ASTN2: variants seen among roughly 807,000 people sequenced by gnomAD.
The protein encoded by ASTN2 is astrotactin-2.
In ASTN2, 54 loss-of-function variants were observed where a neutral mutation model predicts 139.8. The ratio of observed to expected loss-of-function variants is 0.39; its 90% CI spans 0.31 to 0.48. ASTN2 has a LOEUF of 0.48. ASTN2 is among the 20% of genes least tolerant of loss of function. The pLI, the probability that ASTN2 is intolerant of heterozygous loss-of-function variation, is 0.95. For synonymous variants in ASTN2, 756 were observed against 719.5 expected (o/e 1.05, Z -0.81); for missense variants, 1,565 against 1,725.1 (o/e 0.91, Z 1.64).
intron 7 of ASTN2, among the ~76,000 whole-genome samples, chr9:117,005,198 G>C (rs1837319632): frequency 4.7e-5 from 1 of 21,286 alleles, no homozygotes; most frequent in Admixed American, 9.4e-4. Flanking sequence ...CAATTCCCTT[G>C]CCTCAACCTC....
At position 116,950,593 on chromosome 9, in the gene ASTN2, G is replaced by A. The variant is rs1040684205; in HGVS notation, c.1889+24615C>T. Among the ~76,000 whole-genome samples, 23 of 152,056 alleles carry A rather than the reference G, an allele frequency of 1.5e-4. 1 individual carries two copies. Among genetic ancestry groups the A allele is most frequent in the Admixed American group, 1.1e-3 (17 of 15,270 alleles). On this transcript the variant is annotated intron_variant, in intron 10 of 22. Transcript: ENST00000313400. ...TGAAGGAGAAGTTAAAGTTTGTCAC[G>A]GGAAGTTACAGTTTGTCATGGGAAG...
At chr9:117,357,664 C>G (rs915489974) in intron 1 of ASTN2, among the ~76,000 whole-genome samples, 1 of 152,078 alleles carries the variant, frequency 6.6e-6, no homozygotes, top group Non-Finnish European at 1.5e-5. Context: ...ATCCTTGGAA[C>G]CACAGGAGAT....
intron 16 of ASTN2, among the ~76,000 whole-genome samples, chr9:116,710,916 G>A (rs575243469): frequency 2.6e-5 from 4 of 152,104 alleles, no homozygotes; most frequent in Non-Finnish European, 5.9e-5. Context: ...CACATTTAAT[G>A]ATTCTGTAAA....
chr9:116,862,247 C>T (rs1832902132), intron 11 of ASTN2, among the ~76,000 whole-genome samples: 1 of 152,112 alleles, frequency 6.6e-6, no homozygotes, highest in Non-Finnish European at 1.5e-5. Context: ...GAGCCTAGTC[C>T]AGAGCAGGAT....
At chr9:117,092,745 C>T (rs10759897) in intron 5 of ASTN2, among the ~76,000 whole-genome samples, 1 of 152,042 alleles carries the variant, frequency 6.6e-6, no homozygotes, top group East Asian at 1.9e-4. Context: ...TCTGTGTCAC[C>T]GCTGGGCTGG....
intron 2 of ASTN2, among the ~76,000 whole-genome samples, chr9:117,215,307 A>G (rs1310359410): frequency 6.6e-6 from 1 of 152,134 alleles, no homozygotes; most frequent in African/African-American, 2.4e-5. Flanking sequence ...TAATGTCTGC[A>G]TAGTCTGTAT....
At chr9:116,729,541 T>C (rs774601190) in intron 14 of ASTN2, among the ~76,000 whole-genome samples, 5 of 152,230 alleles carry the variant, frequency 3.3e-5, no homozygotes, top group Non-Finnish European at 5.9e-5. Flanking sequence ...GTAGACCACA[T>C]GTAAGTAAAC....
rs1564404585 is a variant in ASTN2, at chr9:117,056,935, C to T, written c.1277-16970G>A. Among the ~76,000 whole-genome samples the T allele has an allele frequency of 2.0e-5, 3 of 152,182 alleles. No individual in the cohort carries two copies. The East Asian group carries it at 5.8e-4, about 29-fold the overall frequency. On this transcript the variant is annotated intron_variant, in intron 5 of 22. Coordinates refer to ENST00000313400, the MANE Select transcript of ASTN2 (RefSeq NM_001365068.1). ...TACAAGGAATCACGTCTTTCAAAGC[C>T]TCATATCCCCATATGTAAAACAGAA... is the stretch of plus-strand genomic sequence containing the variant.
chr9:116,692,231 T>A (rs1445382853), intron 16 of ASTN2, among the ~76,000 whole-genome samples: 5 of 152,184 alleles, frequency 3.3e-5, no homozygotes, highest in Non-Finnish European at 7.4e-5. Context: ...CCTTAGATCA[T>A]CTCTAATCTT....
In ASTN2 at chr9:117,231,729, G is replaced by A. The variant is rs75770887; in HGVS notation, c.631-16987C>T. Among the ~76,000 whole-genome samples, 415 of 152,158 alleles carry A rather than the reference G, an allele frequency of 2.7e-3. 7 individuals carry two copies. The East Asian group carries it at 0.054, about 20-fold the overall frequency. On this transcript the variant is annotated intron_variant, in intron 2 of 22. Coordinates refer to ENST00000313400, the MANE Select transcript of ASTN2 (RefSeq NM_001365068.1). Reference sequence around the variant, plus strand: ...GGAATAAAGGGAGCATGGAAAGGAGGGGAGAGTGTAAGGTGAGAGAGGATA... The same window carrying A: ...GGAATAAAGGGAGCATGGAAAGGAGAGGAGAGTGTAAGGTGAGAGAGGATA...
chr9:116,495,610 G>A (rs1337010395), intron 19 of ASTN2, among the ~76,000 whole-genome samples: 1 of 152,142 alleles, frequency 6.6e-6, no homozygotes, highest in Non-Finnish European at 1.5e-5. Flanking sequence ...TTGCAATCAG[G>A]AGTCCTCTCA....
At chr9:117,391,354 C>T (rs567301811) in intron 1 of ASTN2, among the ~76,000 whole-genome samples, 38 of 152,298 alleles carry the variant, frequency 2.5e-4, no homozygotes, top group African/African-American at 8.9e-4. Context: ...ATTTACAGTT[C>T]CACATGGCTG....
At chr9:116,630,671 A>G (rs1366307383) in intron 17 of ASTN2, among the ~76,000 whole-genome samples, 1 of 152,230 alleles carries the variant, frequency 6.6e-6, no homozygotes, top group African/African-American at 2.4e-5. Flanking sequence ...TGAGACCTCA[A>G]AAGCACAGGC....
At chr9:117,120,018 G>GTGTATGTATATATATCTATATATA (rs1306397698) in intron 4 of ASTN2, among the ~76,000 whole-genome samples, 1 of 46,000 alleles carries the variant, frequency 2.2e-5, no homozygotes, top group Non-Finnish European at 3.9e-5. Context: ...GTGTGTGTGT[G>GTGTATGTATATATATCTATATATA]TATATATATA....
chr9:117,198,417 C>T (rs968837149), intron 3 of ASTN2, among the ~76,000 whole-genome samples: 11 of 151,260 alleles, frequency 7.3e-5, no homozygotes, highest in Non-Finnish European at 1.6e-4. Flanking sequence ...ATTTTCTTTT[C>T]CTTTTTTATT....
intron 15 of ASTN2, among the ~76,000 whole-genome samples, chr9:116,727,588 C>A (rs1337078518): frequency 6.6e-6 from 1 of 152,120 alleles, no homozygotes; most frequent in Non-Finnish European, 1.5e-5. Context: ...CCCTCTCCAT[C>A]AACCTGTTAA....
At chr9:116,815,181 C>G (rs1288762862) in intron 12 of ASTN2, among the ~76,000 whole-genome samples, 1 of 152,160 alleles carries the variant, frequency 6.6e-6, no homozygotes, top group East Asian at 1.9e-4. Flanking sequence ...TTCTGTCGTT[C>G]AGTGTTTTCT....
intron 1 of ASTN2, among the ~76,000 whole-genome samples, chr9:117,377,814 C>A (rs1830165099): frequency 6.6e-6 from 1 of 152,000 alleles, no homozygotes; most frequent in Non-Finnish European, 1.5e-5. Context: ...GATTTCCAAT[C>A]ATTTTAAAGT....
At chr9:117,029,221 T>A in intron 6 of ASTN2, among the ~76,000 whole-genome samples, 1 of 152,174 alleles carries the variant, frequency 6.6e-6, no homozygotes. Flanking sequence ...GGTAATACCT[T>A]GCAAAGTACT....
Sources: allele counts gnomAD v4.1 joint callset (sites outside exome capture counted in the v4.1 genomes callset), GRCh38; gene constraint gnomAD v4.1.1; transcripts MANE v1.5; gene names NCBI Gene and HGNC (gene_info 2026-07-23, HGNC 2026-07-21).